The following GALNT13 variants were observed in gnomAD, a reference collection of about 807,000 sequenced individuals.
GALNT13 encodes UDP-GalNAc:polypeptide N-acetylgalactosaminyltransferase 13.
A neutral mutation model predicts 64.2 loss-of-function variants in GALNT13; 28 were observed. That is an observed-to-expected ratio of 0.44 (90% CI 0.32 to 0.60). GALNT13 has a LOEUF of 0.60. Ranked by LOEUF, GALNT13 falls within the 20% of genes least tolerant of loss-of-function variation. The pLI is 0.05. For missense variants in GALNT13, 577 were observed against 669.8 expected (o/e 0.86, Z 1.53); for synonymous variants, 214 against 224.6 (o/e 0.95, Z 0.42).
intron 2 of GALNT13, among the ~76,000 whole-genome samples, chr2:153,907,090 GTTGT>G (rs1278765595): frequency 1.3e-5 from 2 of 151,972 alleles, no homozygotes; most frequent in Non-Finnish European, 2.9e-5. Flanking sequence ...TTTTGATGGG[GTTGT>G]TTGTTTTTTT....
intron 3 of GALNT13, among the ~76,000 whole-genome samples, chr2:154,127,709 C>CACGT (rs531891757): frequency 0.059 from 7,398 of 125,890 alleles, 359 homozygotes; most frequent in African/African-American, 0.14. Context: ...CACACACACA[C>CACGT]GTGTGTGTGT....
intron 7 of GALNT13, among the ~76,000 whole-genome samples, chr2:154,252,847 T>G (rs1311896463): frequency 1.3e-5 from 2 of 152,070 alleles, no homozygotes; most frequent in Non-Finnish European, 2.9e-5. Flanking sequence ...GAAAGATGAC[T>G]TTTTTATCCA....
At chr2:153,913,930 A>G (rs532310782) in intron 2 of GALNT13, among the ~76,000 whole-genome samples, 2 of 152,270 alleles carry the variant, frequency 1.3e-5, no homozygotes, top group African/African-American at 2.4e-5. Context: ...TAGGCAAGAT[A>G]TATCTTAAAA....
the GALNT13 span, among the ~76,000 whole-genome samples, chr2:153,147,028 C>T: frequency 6.6e-6 from 1 of 151,812 alleles, no homozygotes; most frequent in Non-Finnish European, 1.5e-5. Context: ...TAATTCATGG[C>T]TGAGCTACTC....
intron 4 of GALNT13, among the ~76,000 whole-genome samples, chr2:154,220,861 G>T (rs943519307): frequency 6.6e-6 from 1 of 152,006 alleles, no homozygotes; most frequent in African/African-American, 2.4e-5. Context: ...TAAGACACTT[G>T]TGCTTTAGTT....
the GALNT13 span, among the ~76,000 whole-genome samples, chr2:153,528,528 T>C: frequency 6.6e-6 from 1 of 151,906 alleles, no homozygotes; most frequent in South Asian, 2.1e-4. Context: ...AGACAGAAAA[T>C]CAAAGAAACA....
chr2:153,251,594 A>G, the GALNT13 span, among the ~76,000 whole-genome samples: 1 of 147,918 alleles, frequency 6.8e-6, no homozygotes, highest in African/African-American at 2.5e-5. Context: ...CGCATTAGGT[A>G]TATCTCCCAA....
the GALNT13 span, among the ~76,000 whole-genome samples, chr2:153,261,400 T>C: frequency 6.6e-6 from 1 of 152,190 alleles, no homozygotes; most frequent in African/African-American, 2.4e-5. Context: ...TAAATCTTGG[T>C]CATTGCAGCC....
chr2:153,860,881 T>C, the GALNT13 span, among the ~76,000 whole-genome samples: 7 of 152,146 alleles, frequency 4.6e-5, no homozygotes. Context: ...ATGATAGGAG[T>C]AGTAATTAGG....
chr2:153,410,477 G>A, the GALNT13 span, among the ~76,000 whole-genome samples: 1 of 152,144 alleles, frequency 6.6e-6, no homozygotes. Flanking sequence ...CAAGCAATGA[G>A]CTTTGAAAAA....
At chr2:153,121,459 C>A in the GALNT13 span, among the ~76,000 whole-genome samples, 206 of 152,288 alleles carry the variant, frequency 1.4e-3, 3 homozygotes, top group East Asian at 0.038. Context: ...TAATCCCATT[C>A]TCCTCAATTA....
the GALNT13 span, among the ~76,000 whole-genome samples, chr2:153,667,600 C>A: frequency 6.6e-6 from 1 of 152,178 alleles, no homozygotes; most frequent in Non-Finnish European, 1.5e-5. Context: ...ACTGCCAGAT[C>A]TTCCTAACAA....
chr2:153,754,601 A>T, the GALNT13 span, among the ~76,000 whole-genome samples: 1 of 152,074 alleles, frequency 6.6e-6, no homozygotes. Flanking sequence ...CTGCTCAAGT[A>T]GTAGGAAGGA....
the GALNT13 span, among the ~76,000 whole-genome samples, chr2:153,197,965 G>A: frequency 2.0e-5 from 3 of 152,194 alleles, no homozygotes; most frequent in Non-Finnish European, 2.9e-5. Context: ...TGTCCTGGGG[G>A]CAGCATCCCT....
chr2:153,931,728 A>G (rs1690534268), intron 2 of GALNT13, among the ~76,000 whole-genome samples: 1 of 152,128 alleles, frequency 6.6e-6, no homozygotes, highest in Non-Finnish European at 1.5e-5. Flanking sequence ...TAGCTTTTCA[A>G]TGTGCTGCTG....
intron 2 of GALNT13, among the ~76,000 whole-genome samples, chr2:153,938,869 A>T (rs1382473342): frequency 6.6e-6 from 1 of 152,132 alleles, no homozygotes; most frequent in East Asian, 1.9e-4. Flanking sequence ...CCATTCTAAG[A>T]TACTAGGGGT....
chr2:153,803,701 A>AAG, the GALNT13 span, among the ~76,000 whole-genome samples: 2 of 150,708 alleles, frequency 1.3e-5, no homozygotes, highest in Middle Eastern at 3.4e-3. Context: ...CAAAAAAAAA[A>AAG]AAAAAAAGAA....
At chr2:154,037,488 G>A (rs1221792143) in intron 3 of GALNT13, among the ~76,000 whole-genome samples, 3 of 152,014 alleles carry the variant, frequency 2.0e-5, no homozygotes, top group African/African-American at 7.2e-5. Context: ...ACTCAACATA[G>A]CACTGGAAGT....
At chr2:153,904,183 C>T (rs973529126) in intron 2 of GALNT13, among the ~76,000 whole-genome samples, 2 of 151,658 alleles carry the variant, frequency 1.3e-5, no homozygotes, top group African/African-American at 4.8e-5. Flanking sequence ...TATAGTATTC[C>T]ATTGTATAGA....
Sources: allele counts gnomAD v4.1 joint callset (sites outside exome capture counted in the v4.1 genomes callset), GRCh38; gene constraint gnomAD v4.1.1; transcripts MANE v1.5; gene names NCBI Gene and HGNC (gene_info 2026-07-23, HGNC 2026-07-21).